KRI1: variants seen among roughly 807,000 people sequenced by gnomAD.
KRI1 encodes protein KRI1 homolog.
In KRI1, 83 loss-of-function variants were observed where a neutral mutation model predicts 97.0. The observed-to-expected ratio is 0.86, with a 90% CI of 0.72 to 1.03. KRI1 has a LOEUF of 1.03. Among genes scored for constraint, KRI1 ranks in the 50% least tolerant of loss-of-function variants. KRI1 has a pLI of 0.00. For synonymous variants in KRI1, 371 were observed against 363.5 expected, an observed-to-expected ratio of 1.02 and a Z score of -0.23; for missense variants, 916 against 928.4, an observed-to-expected ratio of 0.99 and a Z score of 0.17.
chr19:10,565,294 A>G (rs1050577780), intron 2 of KRI1: 7 of 556,570 alleles, frequency 1.3e-5, no homozygotes, highest in Admixed American at 3.3e-5. Flanking sequence ...AGACTTGACA[A>G]GGGGCAGGTG....
chr19:10,558,134 T>A (rs1379932660), intron 13 of KRI1, 30 bp downstream of exon 13: 1 of 1,613,432 alleles, frequency 6.2e-7, no homozygotes, highest in Non-Finnish European at 8.5e-7. Flanking sequence ...CAGTCCCCAA[T>A]CCCCAGCCCA....
At chr19:10,565,556 AG>A (rs1324319951) in intron 2 of KRI1, 160 bp downstream of exon 2, 9 of 804,138 alleles carry the variant, frequency 1.1e-5, no homozygotes, top group South Asian at 1.9e-5. Flanking sequence ...CCCTGGGGAG[AG>A]GGGGGGCACT....
At chr19:10,561,901 A>T in intron 4 of KRI1, 56 bp from the exon 5 acceptor site, 1 of 1,538,830 alleles carries the variant, frequency 6.5e-7, no homozygotes. Flanking sequence ...GCCTGTCCCC[A>T]TGCCCATGCG....
intron 12 of KRI1, among the ~76,000 whole-genome samples, chr19:10,558,707 T>TA (rs1488612915): frequency 2.6e-5 from 4 of 151,346 alleles, no homozygotes; most frequent in Non-Finnish European, 5.9e-5. Flanking sequence ...CACGCCCGGC[T>TA]AAGATCTTTT....
In KRI1 at chr19:10,559,657, G is replaced by A. The variant is rs374175757; in HGVS notation, c.979C>T (p.Arg327Cys). Residue 327 changes from arginine to cysteine, a missense_variant, in exon 11 of 19, where the codon CGC becomes TGC. Physicochemically the swap from Arg to Cys is radical, Grantham distance 180. This residue lies in a region of KRI1 where 672 missense variants were observed against 667.2 expected (regional missense o/e 1.01). Transcript: ENST00000312962. The part of the protein sequence containing the change: ...IASSVRRKDE[R>C]RKEKREETRE... The stretch of plus-strand genomic sequence containing the variant: ...GTCTCTTCCCTCTTCTCCTTTCTGC[G>A]CTCATCCTTACGGCGCACGGAGGAC... The A allele has an allele frequency of 1.4e-5, 23 of 1,613,728 alleles. No individual in the cohort carries two copies. The highest frequency in any genetic ancestry group is 3.3e-5 in the Admixed American group (2 of 59,948).
At chr19:10,560,220 C>A (rs1413144579) in intron 9 of KRI1, 92 bp downstream of exon 9, 3 of 1,468,500 alleles carry the variant, frequency 2.0e-6, no homozygotes, top group Admixed American at 4.8e-5. Context: ...AAAATACACA[C>A]ATGGTGCCCT....
In KRI1 at chr19:10,560,315, T is replaced by C. The variant is rs1916652574; in HGVS notation, c.797A>G (p.Glu266Gly). 1.8e-5 allele frequency: 29 copies of C among 1,606,040 alleles called. No individual in the cohort carries two copies. The highest frequency in any genetic ancestry group is 2.5e-5 in the Non-Finnish European group (29 of 1,176,458). The change falls in exon 9 of 19, where the codon GAG (glutamate) becomes GGG (glycine). Residue 266 changes from glutamate (E) to glycine (G), a missense_variant. This residue lies in a region of KRI1 where 672 missense variants were observed against 667.2 expected (regional missense o/e 1.01). Coordinates refer to ENST00000312962, the MANE Select transcript of KRI1 (RefSeq NM_023008.5). ...EEDEEEMEEEEGVHGPPVQLA... is the reference protein window; with the variant it reads ...EEDEEEMEEEGGVHGPPVQLA... ...CTGGGGAGATGCAGTGGCTCACCCC[T>C]CCTCTTCCTCCATTTCCTCTTCATC...
At chr19:10,564,899 G>A (rs1916814222) in intron 3 of KRI1, 30 bp downstream of exon 3, 2 of 1,379,892 alleles carry the variant, frequency 1.4e-6, no homozygotes, top group East Asian at 2.3e-5. Context: ...TCCAGAGGAA[G>A]GAGAGGTTTA....
At chr19:10,559,578 T>C (rs777106973) in intron 11 of KRI1, 35 bp downstream of exon 11, 34 of 1,613,634 alleles carry the variant, frequency 2.1e-5, no homozygotes, top group Non-Finnish European at 2.8e-5. Context: ...CCTCCAGGGC[T>C]GGGGGGTCCT....
Position 10,553,774 on chromosome 19 carries a change from C to CTTGAG in KRI1, c.*176_*177insCTCAA. ...GTCTCGCTAAGTTGCCCACGCTGGT[C>CTTGAG]TCCAATTCCTGGGCTCAAGTGATCC... On this transcript the variant is annotated 3_prime_UTR_variant, in exon 19 of 19. Transcript: ENST00000312962. 1.7e-6 allele frequency: 1 copy of CTTGAG among 598,148 alleles called. No homozygotes were observed. The allele number at this position is 598,148 out of a possible 1,614,324, so 37.1% of individuals were successfully genotyped here.
At chr19:10,558,342 C>T (rs1045025637) in intron 12 of KRI1, 103 bp from the exon 13 acceptor site, 21 of 1,077,618 alleles carry the variant, frequency 1.9e-5, no homozygotes, top group African/African-American at 1.1e-4. Context: ...TTTACTCCTA[C>T]AGCTAGGGCT....
chr19:10,562,734 CT>C lies in KRI1; in HGVS notation c.377del (p.Lys126ArgfsTer81). On this transcript the variant is annotated frameshift_variant, in exon 4 of 19. Transcript: ENST00000312962. LOFTEE classifies it high-confidence loss of function. Reference protein sequence around the residue: ...KDYERKVILEKAGKYVDEENS... With the variant: ...KDYERKVILEXAGKYVDEENS... Reference sequence around the variant, plus strand: ...GATGTAGGCCTTCTCCATACCCTGCCTTCTCCAAGATAACCTTCCTCTCGTA... The same window carrying C: ...GATGTAGGCCTTCTCCATACCCTGCCTCTCCAAGATAACCTTCCTCTCGTA... 6.3e-7 allele frequency: 1 copy of C among 1,583,802 alleles called. No homozygotes were observed. Among genetic ancestry groups the C allele is most frequent in the Non-Finnish European group, 8.7e-7 (1 of 1,152,322 alleles).
chr19:10,564,441 CAA>C (rs1441770807), intron 3 of KRI1, among the ~76,000 whole-genome samples: 1 of 148,976 alleles, frequency 6.7e-6, no homozygotes, highest in African/African-American at 2.5e-5. Flanking sequence ...GCCTGGGCAA[CAA>C]GAGTGAAACT....
At position 10,558,153 on chromosome 19, in the gene KRI1, G is replaced by A. The variant is rs755651703; in HGVS notation, c.1270+11C>T. ...CCCCAATCCCCAGCCCAGTGCCCCA[G>A]CTGATCTCACCTTCAAGCCCTTCTT... On this transcript the variant is annotated intron_variant, in intron 13 of 18. Coordinates refer to ENST00000312962, the MANE Select transcript of KRI1 (RefSeq NM_023008.5). 1.9e-5 allele frequency: 30 copies of A among 1,610,600 alleles called. No individual in the cohort carries two copies. Among genetic ancestry groups the A allele is most frequent in the Non-Finnish European group, 2.4e-5 (28 of 1,176,960 alleles).
chr19:10,554,761 T>G (rs1466168278), intron 18 of KRI1, among the ~76,000 whole-genome samples: 1 of 152,174 alleles, frequency 6.6e-6, no homozygotes, highest in Non-Finnish European at 1.5e-5. Context: ...CCTTCTAGAC[T>G]GGGCGAAAGC....
chr19:10,561,652 C>G lies in KRI1; in HGVS notation c.488+15G>C. The G allele has an allele frequency of 6.2e-7, 1 of 1,613,786 alleles. No individual in the cohort carries two copies. The highest frequency in any genetic ancestry group is 8.5e-7 in the Non-Finnish European group (1 of 1,179,756). ...ACTTTCCTCCATTGGGCCATTCCCG[C>G]CCACCCAGCCTCACCTTTCCTTGAG... is the stretch of plus-strand genomic sequence containing the variant. On this transcript the variant is annotated intron_variant, in intron 6 of 18. Coordinates refer to ENST00000312962, the MANE Select transcript of KRI1 (RefSeq NM_023008.5).
At chr19:10,557,946 G>A (rs761531846) in intron 14 of KRI1, 26 bp downstream of exon 14, 1 of 1,613,830 alleles carries the variant, frequency 6.2e-7, no homozygotes, top group South Asian at 1.1e-5. Flanking sequence ...AGGGCCCCTG[G>A]GACTCCCTCA....
chr19:10,554,106 T>C lies in KRI1; in HGVS notation c.1957A>G (p.Lys653Glu). Residue 653 changes from lysine (K) to glutamate (E), a missense_variant, in exon 19 of 19, where the codon AAG becomes GAG. By Grantham distance (56) the Lys-to-Glu change is moderately conservative (BLOSUM62 1). Around this residue, in one of 3 missense-constraint regions of KRI1, gnomAD observed 672 missense variants for 667.2 expected, o/e 1.01. Transcript: ENST00000312962. Reference protein sequence around the residue: ...KPAPQKRRRAKKARLLGPTVM... With the variant: ...KPAPQKRRRAEKARLLGPTVM... ...GTGGGGCCCAGCAGCCGTGCCTTCT[T>C]GGCCCTCCTCCGCTTCTGGGGGGCT... 2 of 1,614,204 alleles carry C rather than the reference T, an allele frequency of 1.2e-6. No homozygotes were observed. The highest frequency in any genetic ancestry group is 1.7e-6 in the Non-Finnish European group (2 of 1,180,030).
intron 12 of KRI1, 60 bp from the exon 13 acceptor site, chr19:10,558,299 T>C: frequency 6.5e-7 from 1 of 1,533,678 alleles, no homozygotes; most frequent in African/African-American, 1.4e-5. Context: ...CTGAGCCCCC[T>C]ACGATGCCGC....
Sources: allele counts gnomAD v4.1 joint callset (sites outside exome capture counted in the v4.1 genomes callset), GRCh38; gene constraint gnomAD v4.1.1; regional missense constraint gnomAD v4.1.1; transcripts MANE v1.5; gene names NCBI Gene and HGNC (gene_info 2026-07-23, HGNC 2026-07-21).